The following CTNNA3 variants were observed in gnomAD, a reference collection of about 807,000 sequenced individuals.
The protein encoded by CTNNA3 is catenin alpha 3, also known as catenin alpha-3.
In CTNNA3, 76 loss-of-function variants were observed where a neutral mutation model predicts 95.7. The observed-to-expected ratio is 0.79, with a 90% CI of 0.66 to 0.96. The LOEUF is 0.96. CTNNA3 is among the 40% of genes least tolerant of loss of function. The probability of loss-of-function intolerance (pLI) is 0.00; values close to 1 mark genes in which losing one functional copy is unlikely to be tolerated. For missense variants in CTNNA3, 1,191 were observed against 1,089.8 expected (o/e 1.09, Z -1.31); for synonymous variants, 431 against 374.4 (o/e 1.15, Z -1.74).
intron 13 of CTNNA3, among the ~76,000 whole-genome samples, chr10:66,106,654 G>C (rs2081925022): frequency 6.6e-6 from 1 of 152,070 alleles, no homozygotes. Flanking sequence ...TGTGGCAAAA[G>C]TTTATTTCTG....
rs1261030874 is a variant in CTNNA3, at chr10:66,329,274, T to C, written c.1733-48653A>G. Among the ~76,000 whole-genome samples the C allele has an allele frequency of 5.3e-5, 8 of 152,036 alleles. No homozygotes were observed. In the South Asian group the frequency reaches 1.7e-3, roughly 32 times the overall value. On this transcript the variant is annotated intron_variant, in intron 12 of 17. Coordinates refer to ENST00000433211, the MANE Select transcript of CTNNA3 (RefSeq NM_013266.4). Reference sequence around the variant, plus strand: ...CAAAGAGGGATGAATTCTTACTTCCTCTGCCTTTTGCTCTATTCTGGGACC... The same window carrying C: ...CAAAGAGGGATGAATTCTTACTTCCCCTGCCTTTTGCTCTATTCTGGGACC...
chr10:67,488,053 G>C (rs192304955), intron 5 of CTNNA3, among the ~76,000 whole-genome samples: 1 of 152,276 alleles, frequency 6.6e-6, no homozygotes, highest in East Asian at 1.9e-4. Context: ...GTTTGTGAGG[G>C]AGGTAGATGT....
In CTNNA3 at chr10:67,237,142, A is replaced by AC. The variant is rs1312986563; in HGVS notation, c.580-17273_580-17272insG. Among the ~76,000 whole-genome samples the AC allele has an allele frequency of 6.5e-3, 432 of 66,146 alleles. 38 individuals carry two copies. The East Asian group carries it at 0.086, about 13-fold the overall frequency. The allele number at this position is 66,146 out of a possible 152,430, so 43.4% of individuals were successfully genotyped here. On this transcript the variant is annotated intron_variant, in intron 5 of 17. Transcript: ENST00000433211. ...ATGGTGTATGTATATATATATATAT[A>AC]TATATATATATATATATATATATAT...
chr10:67,439,118 G>A (rs1589290790), intron 5 of CTNNA3, among the ~76,000 whole-genome samples: 1 of 152,222 alleles, frequency 6.6e-6, no homozygotes, highest in Admixed American at 6.5e-5. Context: ...CCTGCTCGCA[G>A]AAATGAAAGT....
At position 65,916,986 on chromosome 10, in the gene CTNNA3, C is replaced by T. The variant is rs1467857038; in HGVS notation, c.*3344G>A. 1 of 152,070 alleles carries T rather than the reference C, an allele frequency of 6.6e-6. No individual in the cohort carries two copies. The highest frequency in any genetic ancestry group is 1.5e-5 in the Non-Finnish European group (1 of 68,028). The allele number at this position is 152,070 out of a possible 1,614,324, so 9.4% of individuals were successfully genotyped here. A position where few individuals can be genotyped will look rare whatever the true frequency, so the allele number is the denominator to read the frequency against. Reference sequence around the variant, plus strand: ...AGTTGCGCACTTAATTGTATATTCACAATTTTAGCTTGAAATTGAAACCGA... The same window carrying T: ...AGTTGCGCACTTAATTGTATATTCATAATTTTAGCTTGAAATTGAAACCGA... On this transcript the variant is annotated 3_prime_UTR_variant, in exon 18 of 18. Transcript: ENST00000433211.
At chr10:67,615,647 G>A (rs920335943) in intron 2 of CTNNA3, among the ~76,000 whole-genome samples, 3 of 150,056 alleles carry the variant, frequency 2.0e-5, no homozygotes, top group Non-Finnish European at 3.0e-5. Context: ...GTAACACAAC[G>A]GCAGGTATTC....
intron 4 of CTNNA3, among the ~76,000 whole-genome samples, chr10:67,528,808 T>A (rs1840227732): frequency 6.6e-6 from 1 of 152,180 alleles, no homozygotes; most frequent in Admixed American, 6.5e-5. Context: ...GCTGAGGTAA[T>A]CCATTAATTA....
chr10:67,371,231 TA>T lies in CTNNA3; in HGVS notation c.579+150610del, dbSNP rs200841214. Among the ~76,000 whole-genome samples the T allele has an allele frequency of 7.4e-4, 112 of 151,236 alleles. No homozygotes were observed. The East Asian group carries it at 7.9e-3, about 11-fold the overall frequency. On this transcript the variant is annotated intron_variant, in intron 5 of 17. Transcript: ENST00000433211. ...TCCCATTTTTCTTTTTATATATACA[TA>T]TTTTTTTTCTATTATACTTTAAGTT...
intron 7 of CTNNA3, among the ~76,000 whole-genome samples, chr10:67,062,144 G>A (rs1162088721): frequency 6.6e-6 from 1 of 152,046 alleles, no homozygotes; most frequent in East Asian, 1.9e-4. Flanking sequence ...CAAAGTTTGA[G>A]GCAGGTGGAT....
At chr10:67,452,098 G>GGAAGGAAC (rs1332477675) in intron 5 of CTNNA3, among the ~76,000 whole-genome samples, 1 of 150,282 alleles carries the variant, frequency 6.7e-6, no homozygotes, top group East Asian at 2.0e-4. Context: ...AAGGAAGGAA[G>GGAAGGAAC]GAAGGAGTAG....
intron 14 of CTNNA3, among the ~76,000 whole-genome samples, chr10:66,075,451 A>T (rs1589331413): frequency 1.3e-5 from 2 of 151,802 alleles, no homozygotes; most frequent in East Asian, 3.9e-4. Flanking sequence ...ATGACTATAA[A>T]CAATTGTACC....
At chr10:66,565,424 G>C (rs778967471) in intron 10 of CTNNA3, among the ~76,000 whole-genome samples, 4 of 152,196 alleles carry the variant, frequency 2.6e-5, no homozygotes, top group Non-Finnish European at 4.4e-5. Flanking sequence ...TGGGGCTCAA[G>C]AAGAGAGGCC....
At chr10:67,273,853 G>A (rs1012085802) in intron 5 of CTNNA3, among the ~76,000 whole-genome samples, 1 of 152,154 alleles carries the variant, frequency 6.6e-6, no homozygotes, top group African/African-American at 2.4e-5. Context: ...AAAGTAATGA[G>A]AACAGGCAAA....
intron 12 of CTNNA3, among the ~76,000 whole-genome samples, chr10:66,326,166 T>G (rs1159825355): frequency 6.6e-6 from 1 of 152,074 alleles, no homozygotes; most frequent in African/African-American, 2.4e-5. Flanking sequence ...ACAAGATACT[T>G]TACCACACAA....
rs149125361 is a variant in CTNNA3, at chr10:66,039,857, G to A, written c.2159+29451C>T. On this transcript the variant is annotated intron_variant, in intron 15 of 17. Transcript: ENST00000433211. ...TGATAAAGACATCAAAAGCAATTGC[G>A]ACAAAAGCAAATGGGATCTAACTAA... Among the ~76,000 whole-genome samples the A allele has an allele frequency of 8.2e-3, 1,248 of 151,748 alleles. 14 individuals carry two copies. The highest frequency in any genetic ancestry group is 0.029 in the African/African-American group (1,186 of 41,434).
intron 7 of CTNNA3, among the ~76,000 whole-genome samples, chr10:66,820,403 T>C (rs1257274281): frequency 6.6e-6 from 1 of 151,970 alleles, no homozygotes; most frequent in Non-Finnish European, 1.5e-5. Flanking sequence ...TATTAGATAA[T>C]GATCATAGCT....
At chr10:67,742,752 T>C (rs1314133194) in intron 1 of CTNNA3, among the ~76,000 whole-genome samples, 2 of 150,940 alleles carry the variant, frequency 1.3e-5, no homozygotes, top group Non-Finnish European at 3.0e-5. Flanking sequence ...GATAGACCGC[T>C]AGCAAGACTA....
At chr10:66,736,673 T>G (rs946496023) in intron 9 of CTNNA3, among the ~76,000 whole-genome samples, 3 of 151,978 alleles carry the variant, frequency 2.0e-5, no homozygotes, top group Non-Finnish European at 4.4e-5. Flanking sequence ...ATTATAGTTA[T>G]TATTTCCTAT....
intron 7 of CTNNA3, among the ~76,000 whole-genome samples, chr10:66,928,929 T>C (rs1205594449): frequency 6.6e-6 from 1 of 152,124 alleles, no homozygotes; most frequent in African/African-American, 2.4e-5. Context: ...TATGGGAACA[T>C]TTTACAGACA....
Sources: gnomAD v4.1 joint callset for allele counts (sites outside exome capture counted in the v4.1 genomes callset) on GRCh38, gnomAD v4.1.1 for gene constraint, MANE v1.5 for transcripts, NCBI Gene and HGNC (gene_info 2026-07-23, HGNC 2026-07-21) for gene names.